The following NFASC variants were observed in gnomAD, a reference collection of about 807,000 sequenced individuals.
NFASC encodes the protein neurofascin homolog.
In NFASC, 43 loss-of-function variants were observed where a neutral mutation model predicts 147.5. The ratio of observed to expected loss-of-function variants is 0.29; its 90% confidence interval spans 0.23 to 0.38. NFASC has a LOEUF of 0.38. Among genes scored for constraint, NFASC ranks in the 10% least tolerant of loss-of-function variants. The probability of loss-of-function intolerance (pLI) is 1.00; values close to 1 mark genes in which losing one functional copy is unlikely to be tolerated. For synonymous variants in NFASC, 622 were observed against 665.5 expected, an observed-to-expected ratio of 0.93 and a Z score of 1.01; for missense variants, 1,320 against 1,689.0, an observed-to-expected ratio of 0.78 and a Z score of 3.83.
intron 2 of NFASC, among the ~76,000 whole-genome samples, chr1:204,936,776 T>C (rs1236060699): frequency 6.6e-6 from 1 of 152,214 alleles, no homozygotes; most frequent in Admixed American, 6.5e-5. Context: ...TCACTCTGGC[T>C]TCAAACCCTG....
intron 24 of NFASC, 119 bp downstream of exon 24, chr1:204,991,425 C>T: frequency 1.8e-6 from 2 of 1,085,740 alleles, no homozygotes; most frequent in Non-Finnish European, 2.7e-6. Context: ...CAGACTCACC[C>T]TTTCAGTGGT....
Position 204,987,544 on chromosome 1 carries a change from C to G in NFASC, c.2593+4C>G. 6.2e-7 allele frequency: 1 copy of G among 1,613,986 alleles called. No homozygotes were observed. Among genetic ancestry groups the G allele is most frequent in the Non-Finnish European group, 8.5e-7 (1 of 1,179,928 alleles). ...TACACTCTCAAATATGTGGCCTGTA[C>G]GTTCTGCCCTTCCCTTTCTCTTAGA... is the stretch of plus-strand genomic sequence containing the variant. On this transcript the variant is annotated splice_donor_region_variant and intron_variant, in intron 22 of 29. Coordinates refer to ENST00000339876, the MANE Select transcript of NFASC (RefSeq NM_001005388.3). This position sits in a 1 kb window ranked among gnomAD's most constrained non-coding sequence, Gnocchi z 4.4.
At chr1:204,919,664 T>TGTTGCCCAGGCTGGAGTGCA (rs1165461429) in intron 1 of NFASC, among the ~76,000 whole-genome samples, 4 of 152,126 alleles carry the variant, frequency 2.6e-5, no homozygotes, top group Non-Finnish European at 5.9e-5. Context: ...AGTCTTGCTC[T>TGTTGCCCAGGCTGGAGTGCA]GTTGCCCAGG....
At chr1:204,964,451 A>G (rs1004325187) in intron 8 of NFASC, among the ~76,000 whole-genome samples, 4 of 152,246 alleles carry the variant, frequency 2.6e-5, no homozygotes, top group Admixed American at 1.3e-4. Context: ...AGAAAGTACC[A>G]TAGAGGGAGA....
intron 7 of NFASC, among the ~76,000 whole-genome samples, chr1:204,957,016 A>G (rs555582825): frequency 3.3e-5 from 5 of 152,234 alleles, no homozygotes; most frequent in African/African-American, 7.2e-5. Flanking sequence ...CAGATTTAAC[A>G]TCTCTTAAAA....
intron 1 of NFASC, 51 bp from the exon 2 acceptor site, chr1:204,920,581 T>C (rs2090248973): frequency 2.1e-6 from 2 of 930,308 alleles, no homozygotes; most frequent in Non-Finnish European, 3.0e-6. Context: ...TTTTTTTTTC[T>C]TCCTTTCTTA....
At chr1:204,921,210 A>G (rs2090416375) in intron 2 of NFASC, among the ~76,000 whole-genome samples, 1 of 152,188 alleles carries the variant, frequency 6.6e-6, no homozygotes, top group Non-Finnish European at 1.5e-5. Flanking sequence ...CAAGGCCCAC[A>G]GCACTTAGCC....
At position 204,972,947 on chromosome 1, in the gene NFASC, G is replaced by C. The variant is rs145608294; in HGVS notation, c.1136-329G>C. On this transcript the variant is annotated intron_variant, in intron 11 of 29. Coordinates refer to ENST00000339876, the MANE Select transcript of NFASC (RefSeq NM_001005388.3). Reference sequence around the variant, plus strand: ...AAGCTCACAGAGATTGAATGATGCTGGTAGGAAGTGATGTGGTTAGAACCA... The same window carrying C: ...AAGCTCACAGAGATTGAATGATGCTCGTAGGAAGTGATGTGGTTAGAACCA... 5.4e-3 allele frequency among the ~76,000 whole-genome samples: 829 copies of C among 152,312 alleles called. 8 individuals are homozygous for C. The highest frequency in any genetic ancestry group is 0.019 in the African/African-American group (794 of 41,574).
At chr1:204,915,742 C>T (rs1470582202) in intron 1 of NFASC, among the ~76,000 whole-genome samples, 2 of 152,134 alleles carry the variant, frequency 1.3e-5, no homozygotes, top group Admixed American at 6.5e-5. Context: ...ACATGAACCA[C>T]GAGTCAGGAG....
intron 1 of NFASC, among the ~76,000 whole-genome samples, chr1:204,858,353 G>A (rs1172548684): frequency 6.6e-6 from 1 of 152,126 alleles, no homozygotes; most frequent in Non-Finnish European, 1.5e-5. Flanking sequence ...CCCATACCGG[G>A]ATAGAACACC....
chr1:204,838,110 A>G (rs1481968202), intron 1 of NFASC, among the ~76,000 whole-genome samples: 2 of 152,240 alleles, frequency 1.3e-5, no homozygotes, highest in Non-Finnish European at 2.9e-5. Context: ...TAAATGCTTT[A>G]TATTAGTGCT....
rs917682503 is a variant in NFASC, at chr1:205,017,400, A to C, written c.*861A>C. The C allele has an allele frequency of 1.3e-5, 2 of 152,848 alleles. No individual in the cohort carries two copies. The highest frequency in any genetic ancestry group is 2.9e-5 in the Non-Finnish European group (2 of 68,480). The allele number at this position is 152,848 out of a possible 1,614,324, so 9.5% of individuals were successfully genotyped here. On this transcript the variant is annotated 3_prime_UTR_variant, in exon 30 of 30. Transcript: ENST00000339876. ...GATAGAAAGGACTTCAACGCCAGTG[A>C]CTGTGTACCTCCAGCAGAAGAAAAT...
intron 5 of NFASC, among the ~76,000 whole-genome samples, chr1:204,952,665 A>G (rs1429090137): frequency 1.3e-5 from 2 of 152,214 alleles, no homozygotes; most frequent in African/African-American, 4.8e-5. Context: ...GTCCAAGGTT[A>G]CCCAGCTTGA....
chr1:204,877,029 A>ATATATTTATT (rs2079052790), intron 1 of NFASC, among the ~76,000 whole-genome samples: 5 of 83,046 alleles, frequency 6.0e-5, no homozygotes, highest in East Asian at 1.7e-3. Flanking sequence ...TATATATATA[A>ATATATTTATT]TATATATTTA....
chr1:204,955,066 G>A (rs1024424014), intron 7 of NFASC, 115 bp downstream of exon 7: 2 of 1,276,414 alleles, frequency 1.6e-6, no homozygotes, highest in Non-Finnish European at 2.2e-6. Context: ...TGAGAGGCAG[G>A]TGCAATGTGG....
At chr1:204,838,560 G>A (rs1674435156) in intron 1 of NFASC, among the ~76,000 whole-genome samples, 1 of 152,182 alleles carries the variant, frequency 6.6e-6, no homozygotes, top group Non-Finnish European at 1.5e-5. Context: ...TCTGTCTGGG[G>A]TCTCAGGGAC....
chr1:205,003,851 T>TA (rs2096053660), intron 27 of NFASC, among the ~76,000 whole-genome samples: 1 of 152,222 alleles, frequency 6.6e-6, no homozygotes, highest in African/African-American at 2.4e-5. Context: ...CCTTCTATCC[T>TA]AGTCCTTCCT....
intron 28 of NFASC, among the ~76,000 whole-genome samples, chr1:205,012,307 C>T (rs890397337): frequency 2.0e-5 from 3 of 152,188 alleles, no homozygotes; most frequent in Admixed American, 6.5e-5. Context: ...GTGTGTACGG[C>T]GTGTCTTCTC....
intron 1 of NFASC, among the ~76,000 whole-genome samples, chr1:204,855,599 A>G (rs540112293): frequency 1.3e-3 from 199 of 152,282 alleles, no homozygotes; most frequent in African/African-American, 4.6e-3. Flanking sequence ...CTGAATTCCA[A>G]GGTCAAGTCA....
Sources: gnomAD v4.1 joint callset for allele counts (sites outside exome capture counted in the v4.1 genomes callset) on GRCh38, gnomAD v4.1.1 for gene constraint, Gnocchi (gnomAD v3.1) non-coding constraint, MANE v1.5 for transcripts, NCBI Gene and HGNC (gene_info 2026-07-23, HGNC 2026-07-21) for gene names.